The following LRRTM4 variants were observed in gnomAD, a reference collection of about 807,000 sequenced individuals.
LRRTM4 encodes leucine rich repeat transmembrane neuronal 4.
A neutral mutation model predicts 47.6 loss-of-function variants in LRRTM4; 25 were observed. The observed-to-expected ratio is 0.53, with a 90% CI of 0.38 to 0.73. The LOEUF is 0.73. LRRTM4 is among the 30% of genes least tolerant of loss of function. The probability of loss-of-function intolerance (pLI) is 0.00; values close to 1 mark genes in which losing one functional copy is unlikely to be tolerated. For missense variants in LRRTM4, 638 were observed against 713.4 expected (o/e 0.89, Z 1.20); for synonymous variants, 311 against 269.5 (o/e 1.15, Z -1.51).
intron 3 of LRRTM4, among the ~76,000 whole-genome samples, chr2:77,513,984 A>T (rs1679116048): frequency 6.6e-6 from 1 of 152,130 alleles, no homozygotes; most frequent in Non-Finnish European, 1.5e-5. Flanking sequence ...TCGTAAAAAA[A>T]TTTAATTAAT....
At chr2:76,929,842 G>A (rs1009955387) in intron 3 of LRRTM4, among the ~76,000 whole-genome samples, 2 of 151,984 alleles carry the variant, frequency 1.3e-5, no homozygotes, top group Non-Finnish European at 1.5e-5. Flanking sequence ...TTTGTAGCAT[G>A]TTTTTAGAAT....
chr2:77,231,824 T>C (rs187338396), intron 3 of LRRTM4, among the ~76,000 whole-genome samples: 1 of 152,336 alleles, frequency 6.6e-6, no homozygotes, highest in East Asian at 1.9e-4. Flanking sequence ...CACATGACTC[T>C]AACGTTAGGT....
intron 3 of LRRTM4, among the ~76,000 whole-genome samples, chr2:77,147,524 T>C (rs2103776893): frequency 1.3e-5 from 2 of 152,318 alleles, no homozygotes; most frequent in Admixed American, 1.3e-4. Context: ...AAGACACCCT[T>C]AACTTGGGTT....
At chr2:77,097,146 T>C (rs1014990261) in intron 3 of LRRTM4, among the ~76,000 whole-genome samples, 2 of 151,854 alleles carry the variant, frequency 1.3e-5, no homozygotes, top group African/African-American at 4.8e-5. Flanking sequence ...ATGAAGAGAA[T>C]TTTTATATAA....
chr2:76,773,701 A>G (rs1391396497), intron 3 of LRRTM4, among the ~76,000 whole-genome samples: 2 of 151,812 alleles, frequency 1.3e-5, no homozygotes, highest in Admixed American at 6.6e-5. Flanking sequence ...TAATCTTTAC[A>G]CAGAAAAACA....
chr2:77,210,696 G>A (rs1006968475), intron 3 of LRRTM4, among the ~76,000 whole-genome samples: 12 of 152,018 alleles, frequency 7.9e-5, no homozygotes, highest in Admixed American at 4.6e-4. Flanking sequence ...TTCCCACTGC[G>A]TTTTCAGGGT....
chr2:77,156,707 C>CTTT (rs550760078), intron 3 of LRRTM4, among the ~76,000 whole-genome samples: 1 of 136,164 alleles, frequency 7.3e-6, no homozygotes, highest in Non-Finnish European at 1.6e-5. Flanking sequence ...GAGCCTTCAA[C>CTTT]TTTTTTTTTT....
intron 3 of LRRTM4, among the ~76,000 whole-genome samples, chr2:76,974,197 CAT>C (rs58279690): frequency 0.12 from 14,616 of 117,996 alleles, 1,121 homozygotes; most frequent in East Asian, 0.48. Flanking sequence ...CATATATATA[CAT>C]ATATATATAT....
chr2:77,196,968 T>C (rs1460311450), intron 3 of LRRTM4, among the ~76,000 whole-genome samples: 3 of 152,180 alleles, frequency 2.0e-5, no homozygotes, highest in African/African-American at 7.2e-5. Context: ...TTTCTTCTAA[T>C]CCTATAACTT....
intron 3 of LRRTM4, among the ~76,000 whole-genome samples, chr2:77,513,575 ATTTG>A (rs1679099371): frequency 9.3e-6 from 1 of 107,478 alleles, no homozygotes; most frequent in East Asian, 2.1e-4. Flanking sequence ...TTTATATTTT[ATTTG>A]TTTATTTTGA....
chr2:77,406,608 C>T (rs1465696578), intron 3 of LRRTM4, among the ~76,000 whole-genome samples: 1 of 151,978 alleles, frequency 6.6e-6, no homozygotes, highest in African/African-American at 2.4e-5. Context: ...GTCTGACATG[C>T]TCTCTTTTAG....
intron 3 of LRRTM4, among the ~76,000 whole-genome samples, chr2:77,343,271 G>A (rs982835577): frequency 6.6e-6 from 1 of 151,876 alleles, no homozygotes; most frequent in African/African-American, 2.4e-5. Context: ...CTACAAAACA[G>A]TTCTCCTAGG....
chr2:76,900,663 G>A lies in LRRTM4; in HGVS notation c.1552-151747C>T, dbSNP rs1177327308. On this transcript the variant is annotated intron_variant, in intron 3 of 3. Transcript: ENST00000409884. Reference sequence around the variant, plus strand: ...TTTATGTGAAAGTATGTCCATTTAAGTATCATTTAAAGTAACTGAAAAAAA... The same window carrying A: ...TTTATGTGAAAGTATGTCCATTTAAATATCATTTAAAGTAACTGAAAAAAA... Among the ~76,000 whole-genome samples the A allele has an allele frequency of 2.0e-5, 3 of 152,066 alleles. No individual in the cohort carries two copies. The South Asian group carries it at 6.2e-4, about 31-fold the overall frequency.
chr2:76,801,656 A>ACC (rs1376693145), intron 3 of LRRTM4, among the ~76,000 whole-genome samples: 9 of 151,916 alleles, frequency 5.9e-5, no homozygotes, highest in African/African-American at 2.2e-4. Flanking sequence ...CTAAAACTTA[A>ACC]AGTATAATAA....
chr2:77,311,615 T>C (rs1486819908), intron 3 of LRRTM4, among the ~76,000 whole-genome samples: 2 of 152,158 alleles, frequency 1.3e-5, no homozygotes, highest in Admixed American at 6.5e-5. Context: ...AGGTGGCATA[T>C]ATGAAAGGTT....
intron 3 of LRRTM4, among the ~76,000 whole-genome samples, chr2:77,171,778 T>G: frequency 6.6e-6 from 1 of 152,244 alleles, no homozygotes; most frequent in Non-Finnish European, 1.5e-5. Flanking sequence ...GGCTTATAAA[T>G]ATTTTTATAA....
intron 3 of LRRTM4, among the ~76,000 whole-genome samples, chr2:77,064,228 T>C (rs564717404): frequency 6.6e-6 from 1 of 152,286 alleles, no homozygotes; most frequent in Non-Finnish European, 1.5e-5. Flanking sequence ...ACTTCCACCC[T>C]AGATAATGTT....
At chr2:76,990,239 A>G (rs1676955659) in intron 3 of LRRTM4, among the ~76,000 whole-genome samples, 1 of 151,804 alleles carries the variant, frequency 6.6e-6, no homozygotes, top group African/African-American at 2.4e-5. Context: ...GACGGTGGGA[A>G]ACCACAAAAT....
intron 3 of LRRTM4, among the ~76,000 whole-genome samples, chr2:77,207,142 T>TTTTA (rs147450388): frequency 6.6e-5 from 9 of 136,852 alleles, no homozygotes; most frequent in Admixed American, 5.2e-4. Context: ...TATTTTATAT[T>TTTTA]TATATATATA....
Sources: allele counts gnomAD v4.1 joint callset (sites outside exome capture counted in the v4.1 genomes callset), GRCh38; gene constraint gnomAD v4.1.1; transcripts MANE v1.5; gene names NCBI Gene and HGNC (gene_info 2026-07-23, HGNC 2026-07-21).